ERP44: variants seen among roughly 807,000 people sequenced by gnomAD.
ERP44 encodes the protein endoplasmic reticulum resident protein 44.
In ERP44, 25 loss-of-function variants were observed where a neutral mutation model predicts 53.4. The observed-to-expected ratio is 0.47, with a 90% CI of 0.34 to 0.65. The LOEUF (loss-of-function observed/expected upper bound fraction) is 0.65, where lower values mean the gene tolerates loss of function less well. Among genes scored for constraint, ERP44 ranks in the 30% least tolerant of loss-of-function variants. The pLI is 0.01. For missense variants in ERP44, 338 were observed against 493.2 expected (o/e 0.69, Z 2.98); for synonymous variants, 145 against 161.2 (o/e 0.90, Z 0.76).
chr9:100,071,163 C>T (rs1039241203), intron 1 of ERP44, among the ~76,000 whole-genome samples: 5 of 136,262 alleles, frequency 3.7e-5, no homozygotes, highest in Admixed American at 8.5e-5. Flanking sequence ...GGCATGATCT[C>T]GGCTCACTGC....
chr9:99,998,930 T>C, intron 10 of ERP44: 1 of 1,595,902 alleles, frequency 6.3e-7, no homozygotes, highest in Non-Finnish European at 8.6e-7. Context: ...TGGTCTTCTC[T>C]TCCTCCACAC....
At chr9:100,068,997 C>G (rs1381317190) in intron 1 of ERP44, among the ~76,000 whole-genome samples, 1 of 152,184 alleles carries the variant, frequency 6.6e-6, no homozygotes, top group Non-Finnish European at 1.5e-5. Flanking sequence ...TTACCCCCAA[C>G]CCTGTGCTCT....
chr9:100,048,487 A>G (rs1826001150), intron 4 of ERP44, among the ~76,000 whole-genome samples: 1 of 152,148 alleles, frequency 6.6e-6, no homozygotes, highest in Non-Finnish European at 1.5e-5. Context: ...AAAAACTACC[A>G]TATGATCTAG....
Position 100,020,730 on chromosome 9 carries a change from C to A in ERP44, c.473G>T (p.Arg158Leu), listed in dbSNP as rs373797701. The change falls in exon 6 of 12, where the codon CGC (arginine) becomes CTC (leucine). Residue 158 changes from arginine to leucine, a missense_variant and splice_region_variant. By Grantham distance (102) the Arg-to-Leu change is moderately radical. Around this residue, in one of 3 missense-constraint regions of ERP44, gnomAD observed 224 missense variants for 301.4 expected, o/e 0.74. Transcript: ENST00000262455. ...RDLAEITTLD[R>L]SKRNIIGYFE... The stretch of plus-strand genomic sequence containing the variant: ...ATATCCAATGATATTTCTTTTGCTG[C>A]GCTGTAAAATAAAGTATGCAATTAT... 6.6e-7 allele frequency: 1 copy of A among 1,524,406 alleles called. No individual in the cohort carries two copies. The highest frequency in any genetic ancestry group is 1.7e-5 in the Admixed American group (1 of 59,202). 94.4% of individuals were successfully genotyped at this position (1,524,406 alleles called of 1,614,324 possible).
chr9:100,065,714 T>C (rs1344543923), intron 1 of ERP44, among the ~76,000 whole-genome samples: 2 of 152,192 alleles, frequency 1.3e-5, no homozygotes, highest in African/African-American at 4.8e-5. Context: ...TCAACACTTC[T>C]TGTACAGTGC....
At chr9:100,058,713 A>G (rs1189431679) in intron 2 of ERP44, among the ~76,000 whole-genome samples, 3 of 152,260 alleles carry the variant, frequency 2.0e-5, no homozygotes, top group Non-Finnish European at 4.4e-5. Context: ...ATCAAGATGT[A>G]AAGACATGAG....
At chr9:100,056,886 G>T (rs1826092986) in intron 3 of ERP44, among the ~76,000 whole-genome samples, 1 of 152,272 alleles carries the variant, frequency 6.6e-6, no homozygotes, top group Non-Finnish European at 1.5e-5. Flanking sequence ...CTGGGTCAAA[G>T]TAAAGGATTT....
At chr9:100,067,239 G>A (rs906976896) in intron 1 of ERP44, among the ~76,000 whole-genome samples, 21 of 152,184 alleles carry the variant, frequency 1.4e-4, no homozygotes, top group African/African-American at 2.6e-4. Context: ...CTCTGATGCC[G>A]AGCGGAAGCT....
chr9:100,055,316 A>C (rs1482888247), intron 3 of ERP44, among the ~76,000 whole-genome samples: 1 of 152,226 alleles, frequency 6.6e-6, no homozygotes, highest in Non-Finnish European at 1.5e-5. Context: ...TGTAACAAAA[A>C]TGATGAATCC....
rs1245676077 is a variant in ERP44 at position 99,979,863 on chromosome 9, G to C, written c.*2749C>G. ...ACTATTCTTTCTCAAACTTTAAAGT[G>C]AACATACTTCCTTGCTTGCAATCTG... is the stretch of plus-strand genomic sequence containing the variant. On this transcript the variant is annotated 3_prime_UTR_variant, in exon 12 of 12. Transcript: ENST00000262455. 7.5e-6 allele frequency: 3 copies of C among 397,834 alleles called. No individual in the cohort carries two copies. Among genetic ancestry groups the C allele is most frequent in the Non-Finnish European group, 1.3e-5 (3 of 225,794 alleles). 24.6% of individuals were successfully genotyped at this position (397,834 alleles called of 1,614,324 possible). A position where few individuals can be genotyped will look rare whatever the true frequency, so the allele number is the denominator to read the frequency against.
intron 10 of ERP44, among the ~76,000 whole-genome samples, chr9:100,001,425 GAA>G (rs1830375410): frequency 6.6e-6 from 1 of 152,150 alleles, no homozygotes; most frequent in Non-Finnish European, 1.5e-5. Context: ...GGCCCTTGCT[GAA>G]AAAGTAGGGT....
intron 4 of ERP44, among the ~76,000 whole-genome samples, chr9:100,024,721 A>G (rs910523559): frequency 4.6e-5 from 7 of 152,222 alleles, no homozygotes; most frequent in Non-Finnish European, 1.0e-4. Context: ...TAATGCCATT[A>G]AGAATCAAGA....
intron 1 of ERP44, among the ~76,000 whole-genome samples, chr9:100,098,033 A>G (rs1286978835): frequency 6.6e-6 from 1 of 152,224 alleles, no homozygotes; most frequent in Non-Finnish European, 1.5e-5. Context: ...TGGATCAATT[A>G]GTCTGCACAC....
At chr9:100,069,668 G>A (rs1043601963) in intron 1 of ERP44, among the ~76,000 whole-genome samples, 7 of 151,938 alleles carry the variant, frequency 4.6e-5, no homozygotes, top group African/African-American at 7.3e-5. Context: ...AGATTTCTTC[G>A]TTAAATAAGT....
In ERP44 at chr9:100,042,746, T is replaced by C. The variant is rs528051509; in HGVS notation, c.286+9671A>G. ...CTAATCCATAAAAAAAAGAATGAGA[T>C]CCTGTCACTTGCAACAACATGGATG... On this transcript the variant is annotated intron_variant, in intron 4 of 11. Transcript: ENST00000262455. Among the ~76,000 whole-genome samples, 8 of 152,174 alleles carry C rather than the reference T, an allele frequency of 5.3e-5. No homozygotes were observed. In the East Asian group the frequency reaches 1.5e-3, roughly 29 times the overall value.
At chr9:100,089,323 T>C (rs575894516) in intron 1 of ERP44, among the ~76,000 whole-genome samples, 5 of 151,924 alleles carry the variant, frequency 3.3e-5, no homozygotes, top group Admixed American at 6.6e-5. Context: ...CTCATGCCTG[T>C]TAATCCCAGC....
At chr9:100,073,012 A>G (rs1214936034) in intron 1 of ERP44, among the ~76,000 whole-genome samples, 1 of 152,182 alleles carries the variant, frequency 6.6e-6, no homozygotes, top group African/African-American at 2.4e-5. Context: ...ACTCTTCAAA[A>G]TTGCCCACTG....
intron 10 of ERP44, among the ~76,000 whole-genome samples, chr9:99,997,845 C>G (rs1041217604): frequency 6.6e-6 from 1 of 152,036 alleles, no homozygotes; most frequent in African/African-American, 2.4e-5. Context: ...TTGTAACAAA[C>G]AAGAACTGCT....
intron 11 of ERP44, among the ~76,000 whole-genome samples, 187 bp from the exon 12 acceptor site, chr9:99,982,900 T>C (rs142424698): frequency 9.5e-4 from 145 of 152,332 alleles, no homozygotes; most frequent in African/African-American, 3.4e-3. Context: ...AATGCTCTTA[T>C]TGAGATTCTC....
Sources: allele counts gnomAD v4.1 joint callset (sites outside exome capture counted in the v4.1 genomes callset), GRCh38; gene constraint gnomAD v4.1.1; regional missense constraint gnomAD v4.1.1; transcripts MANE v1.5; gene names NCBI Gene and HGNC (gene_info 2026-07-23, HGNC 2026-07-21).